SRPK2: variants seen among roughly 807,000 people sequenced by gnomAD.
SRPK2 encodes the protein SRSF protein kinase 2, also known as SFRS protein kinase 2.
Under a neutral mutation model 90.8 loss-of-function variants are expected in SRPK2, and 21 were observed. The ratio of observed to expected loss-of-function variants is 0.23; its 90% confidence interval spans 0.16 to 0.33. The LOEUF (loss-of-function observed/expected upper bound fraction) is 0.33. SRPK2 is among the 10% of genes least tolerant of loss of function. The probability of loss-of-function intolerance (pLI) is 1.00; values close to 1 mark genes in which losing one functional copy is unlikely to be tolerated. For missense variants in SRPK2, 620 were observed against 869.0 expected (o/e 0.71, Z 3.60); for synonymous variants, 288 against 311.1 (o/e 0.93, Z 0.78).
At chr7:105,159,231 A>T (rs1316393701) in intron 7 of SRPK2, among the ~76,000 whole-genome samples, 1 of 151,968 alleles carries the variant, frequency 6.6e-6, no homozygotes, top group Non-Finnish European at 1.5e-5. Context: ...CACACCTGTA[A>T]TCCCAGCACT....
chr7:105,144,373 CG>C (rs1804243280), intron 9 of SRPK2, among the ~76,000 whole-genome samples: 2 of 151,630 alleles, frequency 1.3e-5, no homozygotes, highest in South Asian at 4.2e-4. Context: ...CCTGAGTAGC[CG>C]GGATTACAGA....
intron 2 of SRPK2, among the ~76,000 whole-genome samples, chr7:105,221,788 T>C (rs765537475): frequency 3.3e-5 from 5 of 152,216 alleles, no homozygotes; most frequent in Non-Finnish European, 7.3e-5. Flanking sequence ...ACTGGTGATT[T>C]TTCTGCTTGA....
intron 2 of SRPK2, among the ~76,000 whole-genome samples, chr7:105,249,839 C>T (rs1428869583): frequency 6.6e-6 from 1 of 152,164 alleles, no homozygotes; most frequent in Non-Finnish European, 1.5e-5. Flanking sequence ...TCCAAAACCT[C>T]AACTATACTA....
intron 2 of SRPK2, among the ~76,000 whole-genome samples, chr7:105,277,792 CATT>C (rs769911573): frequency 2.6e-5 from 4 of 152,198 alleles, no homozygotes; most frequent in Non-Finnish European, 5.9e-5. Context: ...GTCACTCTCT[CATT>C]AATAATCACA....
chr7:105,166,341 A>G (rs1040432224), intron 6 of SRPK2, among the ~76,000 whole-genome samples: 19 of 152,246 alleles, frequency 1.2e-4, no homozygotes, highest in African/African-American at 4.6e-4. Flanking sequence ...GGAAATCTGT[A>G]TTAAGAAGTC....
intron 2 of SRPK2, among the ~76,000 whole-genome samples, chr7:105,280,780 T>C (rs187985787): frequency 1.4e-3 from 209 of 150,734 alleles, no homozygotes; most frequent in African/African-American, 4.7e-3. Flanking sequence ...ACCCCGTCTC[T>C]ACTAAAAATA....
intron 2 of SRPK2, among the ~76,000 whole-genome samples, chr7:105,292,618 G>A (rs1425237056): frequency 2.6e-5 from 4 of 151,572 alleles, no homozygotes; most frequent in African/African-American, 9.7e-5. Context: ...CTGAAGATCT[G>A]CTACTTCTGC....
rs1353051755 is a variant in SRPK2, at chr7:105,355,786, G to A, written c.71+32862C>T. Among the ~76,000 whole-genome samples, 5 of 152,162 alleles carry A rather than the reference G, an allele frequency of 3.3e-5. No homozygotes were observed. The South Asian group carries it at 6.2e-4, about 19-fold the overall frequency. ...ATCAGGGCCAAGCACGGTGCCTCAC[G>A]CCTGTTACCTCAGCACTTTGGGAGG... On this transcript the variant is annotated intron_variant, in intron 2 of 15. Transcript: ENST00000393651.
intron 2 of SRPK2, among the ~76,000 whole-genome samples, chr7:105,318,567 C>T (rs1812566589): frequency 6.6e-6 from 1 of 152,184 alleles, no homozygotes; most frequent in African/African-American, 2.4e-5. Context: ...AGTGTTTATA[C>T]CATTACCAAA....
chr7:105,373,993 T>C (rs574665991), intron 2 of SRPK2, among the ~76,000 whole-genome samples: 13 of 152,330 alleles, frequency 8.5e-5, no homozygotes, highest in African/African-American at 3.1e-4. Context: ...AGTGGCATGA[T>C]CTTGGCTCCC....
rs1563315577 is a variant in SRPK2 at position 105,383,052 on chromosome 7, A to ATTTTTTTTTTTTTTTTTTTTTTT, written c.71+5595_71+5596insAAAAAAAAAAAAAAAAAAAAAAA. On this transcript the variant is annotated intron_variant, in intron 2 of 15. Coordinates refer to ENST00000393651, the MANE Select transcript of SRPK2 (RefSeq NM_182692.3). The stretch of plus-strand genomic sequence containing the variant: ...AGTCTGAAATTATTTCAAAAGTAAA[A>ATTTTTTTTTTTTTTTTTTTTTTT]ATTTTTTTTTTTTTTTTTTTTTTTT... Among the ~76,000 whole-genome samples, 7 of 105,276 alleles carry ATTTTTTTTTTTTTTTTTTTTTTT rather than the reference A, an allele frequency of 6.6e-5. 3 individuals are homozygous for ATTTTTTTTTTTTTTTTTTTTTTT. The highest frequency in any genetic ancestry group is 7.2e-5 in the Non-Finnish European group (4 of 55,650). The allele number at this position is 105,276 out of a possible 152,430, so 69.1% of individuals were successfully genotyped here.
chr7:105,382,965 C>T (rs1296117489), intron 2 of SRPK2, among the ~76,000 whole-genome samples: 1 of 150,668 alleles, frequency 6.6e-6, no homozygotes, highest in East Asian at 1.9e-4. Context: ...AAGATATCAA[C>T]GTCAGGGAAG....
At chr7:105,329,247 A>G (rs1397241756) in intron 2 of SRPK2, among the ~76,000 whole-genome samples, 3 of 152,290 alleles carry the variant, frequency 2.0e-5, no homozygotes, top group African/African-American at 7.2e-5. Flanking sequence ...CTTTTCTAAA[A>G]TACAAATAGA....
intron 7 of SRPK2, among the ~76,000 whole-genome samples, chr7:105,155,581 A>T (rs553590309): frequency 6.6e-6 from 1 of 152,194 alleles, no homozygotes; most frequent in Non-Finnish European, 1.5e-5. Context: ...GGACGCTGCT[A>T]AACATCCTAT....
chr7:105,303,413 G>A lies in SRPK2; in HGVS notation c.71+85235C>T, dbSNP rs1810801612. ...ACCAACATGGCACATACATACATATGTAACAAACCTGCACGTTGTGCACAT... is the reference window on the plus strand; with the variant it reads ...ACCAACATGGCACATACATACATATATAACAAACCTGCACGTTGTGCACAT... On this transcript the variant is annotated intron_variant, in intron 2 of 15. Transcript: ENST00000393651. Among the ~76,000 whole-genome samples the A allele has an allele frequency of 2.0e-5, 3 of 151,886 alleles. No homozygotes were observed. The East Asian group carries it at 5.8e-4, about 29-fold the overall frequency.
At chr7:105,123,709 CATA>C (rs2129572707) in intron 15 of SRPK2, among the ~76,000 whole-genome samples, 1 of 152,234 alleles carries the variant, frequency 6.6e-6, no homozygotes, top group East Asian at 1.9e-4. Flanking sequence ...CCTCATTCCT[CATA>C]ATGTTATCCT....
At chr7:105,379,444 A>T (rs897119722) in intron 2 of SRPK2, among the ~76,000 whole-genome samples, 1 of 152,098 alleles carries the variant, frequency 6.6e-6, no homozygotes, top group Non-Finnish European at 1.5e-5. Flanking sequence ...CAATCCTCCA[A>T]GCGTACTGAG....
At chr7:105,319,799 C>T (rs1055778212) in intron 2 of SRPK2, among the ~76,000 whole-genome samples, 4 of 151,940 alleles carry the variant, frequency 2.6e-5, no homozygotes, top group African/African-American at 9.7e-5. Flanking sequence ...CAAATGCTGA[C>T]CTGTAACCAA....
intron 2 of SRPK2, among the ~76,000 whole-genome samples, chr7:105,260,004 A>T (rs1386386397): frequency 1.3e-5 from 2 of 152,226 alleles, no homozygotes; most frequent in Non-Finnish European, 2.9e-5. Flanking sequence ...AAACACCAAA[A>T]GCAATGGCAA....
Sources: gnomAD v4.1 joint callset for allele counts (sites outside exome capture counted in the v4.1 genomes callset) on GRCh38, gnomAD v4.1.1 for gene constraint, MANE v1.5 for transcripts, NCBI Gene and HGNC (gene_info 2026-07-23, HGNC 2026-07-21) for gene names.